CREB5: variants seen among roughly 807,000 people sequenced by gnomAD.
The protein encoded by CREB5 is cAMP responsive element binding protein 5, also known as cyclic AMP-responsive element-binding protein 5.
In CREB5, 19 loss-of-function variants were observed where a neutral mutation model predicts 57.1. The observed-to-expected ratio is 0.33, with a 90% CI of 0.23 to 0.49. The LOEUF (loss-of-function observed/expected upper bound fraction) is 0.49, where lower values mean the gene tolerates loss of function less well. Ranked by LOEUF, CREB5 falls within the 20% of genes least tolerant of loss-of-function variation. The probability of loss-of-function intolerance (pLI) is 0.99; values close to 1 mark genes in which losing one functional copy is unlikely to be tolerated. For missense variants in CREB5, 579 were observed against 671.6 expected, an observed-to-expected ratio of 0.86 and a Z score of 1.52; for synonymous variants, 238 against 238.3, an observed-to-expected ratio of 1.00 and a Z score of 0.01.
chr7:28,456,546 TG>T (rs1183460368), intron 1 of CREB5, among the ~76,000 whole-genome samples: 4 of 152,154 alleles, frequency 2.6e-5, no homozygotes, highest in Admixed American at 2.6e-4. Context: ...TGCCTGCTAA[TG>T]GGGGTACTAC....
In CREB5 at chr7:28,702,883, C is replaced by T. The variant is rs954026401; in HGVS notation, c.465-15870C>T. Among the ~76,000 whole-genome samples the T allele has an allele frequency of 8.5e-5, 13 of 152,062 alleles. No homozygotes were observed. In the East Asian group the frequency reaches 1.4e-3, roughly 16 times the overall value. ...GAGAATTTGTCAACAAAAGAGCAGA[C>T]GGCAAAACCTTCCAGGCAAAGATCA... On this transcript the variant is annotated intron_variant, in intron 5 of 10. Coordinates refer to ENST00000357727, the MANE Select transcript of CREB5 (RefSeq NM_182898.4).
chr7:28,751,218 TGGAGAGGAAA>T (rs1458793284), intron 7 of CREB5, among the ~76,000 whole-genome samples: 1 of 148,320 alleles, frequency 6.7e-6, no homozygotes, highest in Non-Finnish European at 1.5e-5. Flanking sequence ...GGGGACACTG[TGGAGAGGAAA>T]GGCATTCCTT....
intron 5 of CREB5, among the ~76,000 whole-genome samples, chr7:28,662,621 C>T (rs916358241): frequency 6.6e-6 from 1 of 152,126 alleles, no homozygotes; most frequent in Admixed American, 6.6e-5. Flanking sequence ...CTACTCAACC[C>T]CCAATTCCAG....
intron 1 of CREB5, among the ~76,000 whole-genome samples, chr7:28,374,568 C>T (rs943205166): frequency 5.3e-5 from 8 of 152,040 alleles, no homozygotes; most frequent in East Asian, 1.9e-4. Context: ...AAAAATATTG[C>T]GATAAGTGAG....
At chr7:28,596,501 C>G (rs984812543) in intron 5 of CREB5, among the ~76,000 whole-genome samples, 1 of 152,200 alleles carries the variant, frequency 6.6e-6, no homozygotes, top group Non-Finnish European at 1.5e-5. Context: ...TTGAACAGTT[C>G]ATATTAAATT....
At chr7:28,769,021 C>T (rs1806162192) in intron 7 of CREB5, among the ~76,000 whole-genome samples, 1 of 152,218 alleles carries the variant, frequency 6.6e-6, no homozygotes, top group Non-Finnish European at 1.5e-5. Flanking sequence ...GCTGTGAGTC[C>T]TTGAGTGTAA....
intron 5 of CREB5, among the ~76,000 whole-genome samples, chr7:28,636,575 T>C (rs1798425846): frequency 6.6e-6 from 1 of 152,204 alleles, no homozygotes; most frequent in Non-Finnish European, 1.5e-5. Context: ...CACTGTAAAC[T>C]CCATGATGAT....
intron 5 of CREB5, among the ~76,000 whole-genome samples, chr7:28,701,223 G>T (rs553709122): frequency 7.2e-4 from 109 of 152,294 alleles, no homozygotes; most frequent in Admixed American, 1.2e-3. Context: ...GAGGCGCAGG[G>T]AAGACAAGTC....
At chr7:28,707,064 A>T (rs1159951890) in intron 5 of CREB5, among the ~76,000 whole-genome samples, 1 of 152,088 alleles carries the variant, frequency 6.6e-6, no homozygotes, top group East Asian at 1.9e-4. Context: ...TCTGGCATGG[A>T]GAGAAAGCCG....
intron 7 of CREB5, among the ~76,000 whole-genome samples, chr7:28,748,712 C>A (rs949858241): frequency 6.6e-6 from 1 of 152,144 alleles, no homozygotes; most frequent in Non-Finnish European, 1.5e-5. Flanking sequence ...TGAGTTACCA[C>A]GGCATGCCAG....
intron 1 of CREB5, among the ~76,000 whole-genome samples, chr7:28,323,739 A>G (rs1785530661): frequency 6.6e-6 from 1 of 152,166 alleles, no homozygotes; most frequent in African/African-American, 2.4e-5. Flanking sequence ...GGGATTATTC[A>G]AGTGCAGTAC....
intron 5 of CREB5, among the ~76,000 whole-genome samples, chr7:28,622,464 G>A (rs761062618): frequency 9.9e-5 from 15 of 152,148 alleles, no homozygotes; most frequent in Non-Finnish European, 1.8e-4. Flanking sequence ...ATGCAAAGGC[G>A]TAGAAAGAAC....
chr7:28,736,551 G>A (rs767348763), intron 7 of CREB5, among the ~76,000 whole-genome samples: 1 of 152,120 alleles, frequency 6.6e-6, no homozygotes, highest in Non-Finnish European at 1.5e-5. Context: ...CCTCATTTTT[G>A]TAGACAAATG....
chr7:28,495,445 G>A (rs1416496686), intron 3 of CREB5, among the ~76,000 whole-genome samples: 2 of 151,934 alleles, frequency 1.3e-5, no homozygotes, highest in Admixed American at 6.6e-5. Context: ...GGGAGGCTGA[G>A]GCATGAGAAT....
chr7:28,358,456 C>T (rs1786391142), intron 1 of CREB5, among the ~76,000 whole-genome samples: 1 of 152,176 alleles, frequency 6.6e-6, no homozygotes, highest in Admixed American at 6.5e-5. Context: ...ATTAGTGGTT[C>T]TTGGATATCA....
chr7:28,727,307 G>T (rs938625017), intron 7 of CREB5, among the ~76,000 whole-genome samples: 2 of 152,088 alleles, frequency 1.3e-5, no homozygotes, highest in Admixed American at 6.6e-5. Flanking sequence ...AGCTCTGAGA[G>T]GCTTCTGTCT....
intron 4 of CREB5, among the ~76,000 whole-genome samples, chr7:28,560,865 C>CGCG (rs1491128731): frequency 6.7e-5 from 1 of 14,828 alleles, no homozygotes; most frequent in African/African-American, 3.1e-4. Flanking sequence ...TGTGCGTGTG[C>CGCG]CTGCGTGCGC....
intron 4 of CREB5, among the ~76,000 whole-genome samples, chr7:28,526,590 C>T (rs1441475603): frequency 6.6e-6 from 1 of 152,172 alleles, no homozygotes; most frequent in African/African-American, 2.4e-5. Context: ...TACTACAGAA[C>T]ATTGTTGGGA....
intron 1 of CREB5, among the ~76,000 whole-genome samples, chr7:28,418,500 A>G (rs966570077): frequency 1.3e-5 from 2 of 152,150 alleles, no homozygotes; most frequent in Non-Finnish European, 2.9e-5. Context: ...CCCCAAATTC[A>G]TGAGTCATTT....
Sources: gnomAD v4.1 joint callset for allele counts (sites outside exome capture counted in the v4.1 genomes callset) on GRCh38, gnomAD v4.1.1 for gene constraint, MANE v1.5 for transcripts, NCBI Gene and HGNC (gene_info 2026-07-23, HGNC 2026-07-21) for gene names.